Variants in HYCC1 observed in about 807,000 individuals in gnomAD.
HYCC1 encodes the protein hyccin PI4KA lipid kinase complex subunit 1, also known as hyccin.
At chr7:22,976,755 A>C in the HYCC1 span, 1 of 1,613,814 alleles carries the variant, frequency 6.2e-7, no homozygotes, top group South Asian at 1.1e-5. Context: ...CTTTTGACAA[A>C]CCATGCTGGG....
the HYCC1 span, among the ~76,000 whole-genome samples, chr7:22,901,203 G>A: frequency 7.3e-6 from 1 of 137,864 alleles, no homozygotes; most frequent in African/African-American, 2.7e-5. Flanking sequence ...CCTGGACAAT[G>A]GGAGTGAGAC....
the HYCC1 span, among the ~76,000 whole-genome samples, chr7:22,978,650 G>A: frequency 1.3e-5 from 2 of 152,076 alleles, no homozygotes; most frequent in East Asian, 3.9e-4. Context: ...TTGACTATGG[G>A]GTTGAAGAAA....
At chr7:22,968,761 G>A in the HYCC1 span, among the ~76,000 whole-genome samples, 1 of 152,152 alleles carries the variant, frequency 6.6e-6, no homozygotes, top group African/African-American at 2.4e-5. Flanking sequence ...GGCCAAGGCA[G>A]ATGGATCACA....
At chr7:22,909,224 G>A in the HYCC1 span, among the ~76,000 whole-genome samples, 3 of 152,136 alleles carry the variant, frequency 2.0e-5, no homozygotes, top group Middle Eastern at 3.2e-3. Context: ...CTCTCCTCAT[G>A]AGAGCAAGTG....
the HYCC1 span, among the ~76,000 whole-genome samples, chr7:22,989,131 C>A: frequency 1.3e-5 from 2 of 152,020 alleles, no homozygotes; most frequent in Non-Finnish European, 2.9e-5. Context: ...GGATAGCTGT[C>A]GACATTTGCT....
chr7:22,976,881 TAC>T, the HYCC1 span: 1 of 858,714 alleles, frequency 1.2e-6, no homozygotes, highest in Non-Finnish European at 2.0e-6. Context: ...AATATATATA[TAC>T]CACTAAAATA....
the HYCC1 span, among the ~76,000 whole-genome samples, chr7:22,985,130 C>T: frequency 6.6e-6 from 1 of 152,178 alleles, no homozygotes; most frequent in East Asian, 1.9e-4. Flanking sequence ...ATTGCCAATC[C>T]TGCAGTAGAT....
At chr7:22,999,097 T>C in the HYCC1 span, among the ~76,000 whole-genome samples, 2 of 152,338 alleles carry the variant, frequency 1.3e-5, no homozygotes, top group East Asian at 3.9e-4. Flanking sequence ...CAGCATCATC[T>C]GATTATTTTA....
the HYCC1 span, among the ~76,000 whole-genome samples, chr7:22,903,895 C>A: frequency 6.6e-6 from 1 of 152,098 alleles, no homozygotes; most frequent in African/African-American, 2.4e-5. Flanking sequence ...TAGGAATCAA[C>A]ATTTCTGTAA....
At chr7:23,002,165 TATATATATATAC>T in the HYCC1 span, among the ~76,000 whole-genome samples, 1,564 of 36,690 alleles carry the variant, frequency 0.043, 65 homozygotes, top group African/African-American at 0.16. Flanking sequence ...TATATATATA[TATATATATATAC>T]ATATAGTTTG....
At chr7:22,904,202 C>T in the HYCC1 span, among the ~76,000 whole-genome samples, 12 of 151,942 alleles carry the variant, frequency 7.9e-5, no homozygotes, top group South Asian at 6.2e-4. Flanking sequence ...AAGGCCAAGG[C>T]GGGCGGATCA....
At chr7:22,961,957 G>C in the HYCC1 span, among the ~76,000 whole-genome samples, 69 of 152,136 alleles carry the variant, frequency 4.5e-4, no homozygotes, top group South Asian at 1.2e-3. Context: ...AATGAACAGG[G>C]ATATAGTGGC....
At chr7:22,945,035 TC>T in the HYCC1 span, 1 of 155,906 alleles carries the variant, frequency 6.4e-6, no homozygotes, top group African/African-American at 2.4e-5. Flanking sequence ...AATATTTTCA[TC>T]AGGTGCTTTT....
chr7:22,987,784 A>T, the HYCC1 span, among the ~76,000 whole-genome samples: 1 of 152,082 alleles, frequency 6.6e-6, no homozygotes, highest in African/African-American at 2.4e-5. Context: ...TATGCCCAAC[A>T]TCATAAAACC....
At chr7:22,898,882 T>C in the HYCC1 span, among the ~76,000 whole-genome samples, 63 of 152,244 alleles carry the variant, frequency 4.1e-4, 1 homozygote, top group Admixed American at 4.1e-3. Context: ...ATTATGGGCA[T>C]GAACCACCCC....
chr7:22,917,677 T>A, the HYCC1 span, among the ~76,000 whole-genome samples: 4 of 152,190 alleles, frequency 2.6e-5, no homozygotes. Flanking sequence ...TATAATACAG[T>A]CTGATAACGG....
chr7:23,010,606 T>A, the HYCC1 span, among the ~76,000 whole-genome samples: 1 of 152,286 alleles, frequency 6.6e-6, no homozygotes, highest in East Asian at 1.9e-4. Flanking sequence ...TATAAACATA[T>A]GTCAAATATC....
the HYCC1 span, among the ~76,000 whole-genome samples, chr7:23,003,851 G>A: frequency 1.1e-4 from 17 of 152,260 alleles, no homozygotes; most frequent in South Asian, 3.3e-3. Context: ...AGTTAATGGT[G>A]GTAATGTGTG....
chr7:22,960,318 G>A, the HYCC1 span: 1 of 1,613,724 alleles, frequency 6.2e-7, no homozygotes, highest in Non-Finnish European at 8.5e-7. Context: ...TGATATTCGA[G>A]AGGAAGTTGG....
Sources: allele counts gnomAD v4.1 joint callset (sites outside exome capture counted in the v4.1 genomes callset), GRCh38; gene constraint gnomAD v4.1.1; transcripts MANE v1.5; gene names NCBI Gene and HGNC (gene_info 2026-07-23, HGNC 2026-07-21).